RBFOX1: variants seen among roughly 807,000 people sequenced by gnomAD.
RBFOX1 encodes RNA binding fox-1 homolog 1.
In RBFOX1, 8 loss-of-function variants were observed where a neutral mutation model predicts 57.7. The observed-to-expected ratio is 0.14, with a 90% CI of 0.08 to 0.25. RBFOX1 has a LOEUF of 0.25. Among genes scored for constraint, RBFOX1 ranks in the 10% least tolerant of loss-of-function variants. The pLI is 1.00. For missense variants in RBFOX1, 611 were observed against 548.5 expected (o/e 1.11, Z -1.14); for synonymous variants, 326 against 222.4 (o/e 1.47, Z -4.15).
chr16:5,843,835 A>C (rs1426105228), intron 3 of RBFOX1, among the ~76,000 whole-genome samples: 1 of 152,220 alleles, frequency 6.6e-6, no homozygotes, highest in Non-Finnish European at 1.5e-5. Flanking sequence ...TGCTGGCACC[A>C]ATGAGAGAAC....
chr16:5,862,877 C>T (rs139276372), intron 3 of RBFOX1, among the ~76,000 whole-genome samples: 4 of 152,278 alleles, frequency 2.6e-5, no homozygotes, highest in African/African-American at 9.6e-5. Context: ...GAGCCCCAGA[C>T]AGTGTTTGGG....
intron 1 of RBFOX1, among the ~76,000 whole-genome samples, chr16:6,215,827 T>C (rs2097332390): frequency 6.6e-6 from 1 of 152,172 alleles, no homozygotes; most frequent in African/African-American, 2.4e-5. Flanking sequence ...AACATCCCAA[T>C]GGGTTGAATG....
At chr16:7,302,687 A>T (rs1338251968) in intron 4 of RBFOX1, among the ~76,000 whole-genome samples, 3 of 152,002 alleles carry the variant, frequency 2.0e-5, no homozygotes, top group Non-Finnish European at 4.4e-5. Context: ...TATTAAAAAA[A>T]TATGGCTACT....
At chr16:5,669,987 G>C (rs1278453833) in intron 3 of RBFOX1, among the ~76,000 whole-genome samples, 2 of 152,176 alleles carry the variant, frequency 1.3e-5, no homozygotes, top group Non-Finnish European at 2.9e-5. Flanking sequence ...CCATACAGCA[G>C]AGTATTTTTT....
Position 7,474,412 on chromosome 16 carries a change from T to C in RBFOX1, c.28-43735T>C, listed in dbSNP as rs139313820. ...GTGCACTTCACCTTCACTGTGAAGG[T>C]CATGTATTCATGCTTCTAATGTTTT... On this transcript the variant is annotated intron_variant, in intron 4 of 15. Coordinates refer to ENST00000550418, the MANE Select transcript of RBFOX1 (RefSeq NM_018723.4). Among the ~76,000 whole-genome samples the C allele has an allele frequency of 2.3e-3, 357 of 152,314 alleles. 4 individuals are homozygous for C. The highest frequency in any genetic ancestry group is 7.9e-3 in the African/African-American group (329 of 41,568).
chr16:6,896,302 A>G (rs1567766001), intron 3 of RBFOX1, among the ~76,000 whole-genome samples: 1 of 152,220 alleles, frequency 6.6e-6, no homozygotes, highest in Non-Finnish European at 1.5e-5. Context: ...GGTACTAACA[A>G]TCCAAGTACA....
At chr16:7,181,460 G>C (rs73538607) in intron 4 of RBFOX1, among the ~76,000 whole-genome samples, 2 of 152,018 alleles carry the variant, frequency 1.3e-5, no homozygotes, top group African/African-American at 4.8e-5. Context: ...GCTAGTAGTA[G>C]AAAAGTACTA....
At chr16:7,116,670 C>T (rs1567320011) in intron 4 of RBFOX1, among the ~76,000 whole-genome samples, 1 of 152,120 alleles carries the variant, frequency 6.6e-6, no homozygotes, top group African/African-American at 2.4e-5. Context: ...TGGTGGAATG[C>T]CAGTGAAGCT....
intron 2 of RBFOX1, among the ~76,000 whole-genome samples, chr16:6,512,795 G>A (rs1022025475): frequency 6.6e-6 from 1 of 152,166 alleles, no homozygotes; most frequent in Non-Finnish European, 1.5e-5. Context: ...TAGTCTCATT[G>A]TCTTAGCCAC....
At chr16:7,395,910 G>A (rs1292187190) in intron 4 of RBFOX1, among the ~76,000 whole-genome samples, 1 of 152,156 alleles carries the variant, frequency 6.6e-6, no homozygotes, top group Non-Finnish European at 1.5e-5. Context: ...AAGAGTAAGT[G>A]CCAGGGTTAT....
chr16:6,951,911 T>A (rs761483069), intron 3 of RBFOX1, among the ~76,000 whole-genome samples: 700 of 151,238 alleles, frequency 4.6e-3, no homozygotes, highest in African/African-American at 0.016. Flanking sequence ...AATTTTTGTA[T>A]ATTTAGTAGA....
chr16:6,804,753 G>A (rs879479514), intron 3 of RBFOX1, among the ~76,000 whole-genome samples: 1 of 152,148 alleles, frequency 6.6e-6, no homozygotes, highest in Non-Finnish European at 1.5e-5. Context: ...CCTAGAATGG[G>A]ACGCAGTGGA....
At chr16:7,628,888 C>T (rs1391845216) in intron 10 of RBFOX1, among the ~76,000 whole-genome samples, 2 of 152,184 alleles carry the variant, frequency 1.3e-5, no homozygotes, top group African/African-American at 4.8e-5. Flanking sequence ...ACTGGAATGA[C>T]AGGCATGAGC....
At chr16:7,198,180 T>C (rs1011583613) in intron 4 of RBFOX1, among the ~76,000 whole-genome samples, 6 of 152,022 alleles carry the variant, frequency 3.9e-5, no homozygotes, top group Admixed American at 1.3e-4. Flanking sequence ...TAATCTTTTG[T>C]ATTTTTAGTA....
At position 7,136,793 on chromosome 16, in the gene RBFOX1, G is replaced by A. The variant is rs139447067; in HGVS notation, c.27+84695G>A. Among the ~76,000 whole-genome samples the A allele has an allele frequency of 4.5e-3, 685 of 152,286 alleles. 4 individuals are homozygous for A. Among genetic ancestry groups the A allele is most frequent in the African/African-American group, 0.015 (636 of 41,552 alleles). Reference sequence around the variant, plus strand: ...TGGATAGTGGTTAGTATTAACCAGGGCATTCTAAATTCTGATATGGCAACA... The same window carrying A: ...TGGATAGTGGTTAGTATTAACCAGGACATTCTAAATTCTGATATGGCAACA... On this transcript the variant is annotated intron_variant, in intron 4 of 15. Coordinates refer to ENST00000550418, the MANE Select transcript of RBFOX1 (RefSeq NM_018723.4).
intron 3 of RBFOX1, among the ~76,000 whole-genome samples, chr16:5,843,096 G>C (rs2056667492): frequency 6.6e-6 from 1 of 152,122 alleles, no homozygotes; most frequent in Admixed American, 6.5e-5. Context: ...CAAAGTGCTG[G>C]GATTACAGGC....
intron 2 of RBFOX1, among the ~76,000 whole-genome samples, chr16:6,485,268 C>T (rs1230629364): frequency 6.6e-6 from 1 of 152,184 alleles, no homozygotes; most frequent in Non-Finnish European, 1.5e-5. Context: ...TTAGAATACT[C>T]AGAGGTTATG....
At chr16:6,899,131 A>T (rs1367287394) in intron 3 of RBFOX1, among the ~76,000 whole-genome samples, 2 of 151,274 alleles carry the variant, frequency 1.3e-5, no homozygotes, top group South Asian at 4.2e-4. Context: ...GCATATGTGT[A>T]TATGTGTGTA....
intron 2 of RBFOX1, among the ~76,000 whole-genome samples, chr16:6,574,392 C>T (rs1370108690): frequency 6.8e-6 from 1 of 147,328 alleles, no homozygotes; most frequent in East Asian, 2.1e-4. Flanking sequence ...GGGCGGAACT[C>T]GGTGTAGCAA....
Sources: gnomAD v4.1 joint callset for allele counts (sites outside exome capture counted in the v4.1 genomes callset) on GRCh38, gnomAD v4.1.1 for gene constraint, MANE v1.5 for transcripts, NCBI Gene and HGNC (gene_info 2026-07-23, HGNC 2026-07-21) for gene names.